NF1: variants seen among roughly 807,000 people sequenced by gnomAD.
NF1 encodes the protein neurofibromin.
A neutral mutation model predicts 325.7 loss-of-function variants in NF1; 122 were observed. The observed-to-expected ratio is 0.37, with a 90% CI of 0.32 to 0.44. NF1 has a LOEUF of 0.44. Ranked by LOEUF, NF1 falls within the 20% of genes least tolerant of loss-of-function variation. NF1 has a pLI of 1.00. For synonymous variants in NF1, 1,091 were observed against 1,186.0 expected, an observed-to-expected ratio of 0.92 and a Z score of 1.65; for missense variants, 2,140 against 3,415.4, an observed-to-expected ratio of 0.63 and a Z score of 9.31.
rs2151461842 is a variant in NF1 at position 31,258,370 on chromosome 17, C to T, written c.4200C>T (p.Asn1400=). The change falls in exon 32 of 58, where the codon AAC becomes AAT. Residue 1400 remains asparagine, a synonymous_variant. Transcript: ENST00000358273. The stretch of plus-strand genomic sequence containing the variant: ...TGGTTAGCCAGCGTTTCCCTCAGAA[C>T]AGCATCGGTGCAGTAGGAAGTGCCA... The part of the protein sequence containing the change: ...KSVVSQRFPQ[N]SIGAVGSAMF... 1.1e-5 allele frequency: 17 copies of T among 1,613,918 alleles called. No individual in the cohort carries two copies. Among genetic ancestry groups the T allele is most frequent in the Non-Finnish European group, 1.4e-5 (17 of 1,179,894 alleles).
At chr17:31,116,737 C>T (rs754235906) in intron 1 of NF1, among the ~76,000 whole-genome samples, 2 of 149,524 alleles carry the variant, frequency 1.3e-5, no homozygotes, top group Non-Finnish European at 1.5e-5. Flanking sequence ...GCGCCATCTC[C>T]GCTCACTGCA....
chr17:31,262,551 C>T lies in NF1; in HGVS notation c.4724+694C>T, dbSNP rs188890050. On this transcript the variant is annotated intron_variant, in intron 35 of 57. Coordinates refer to ENST00000358273, the MANE Select transcript of NF1 (RefSeq NM_001042492.3). ...GCTATGTTCATAGTATGTTCCAAAA[C>T]AGAATAAAACAGAATCTGATGATGA... 3.3e-5 allele frequency among the ~76,000 whole-genome samples: 5 copies of T among 152,188 alleles called. No individual in the cohort carries two copies. In the East Asian group the frequency reaches 9.6e-4, roughly 29 times the overall value.
At position 31,338,045 on chromosome 17, in the gene NF1, C is replaced by T. The variant is rs2151558080; in HGVS notation, c.6725C>T (p.Pro2242Leu). The T allele has an allele frequency of 6.2e-7, 1 of 1,613,552 alleles. No individual in the cohort carries two copies. Residue 2242 changes from proline (P) to leucine (L), a missense_variant, in exon 45 of 58, where the codon CCA becomes CTA. Physicochemically the swap from Pro to Leu is moderately conservative, Grantham distance 98 (BLOSUM62 -3). Coordinates refer to ENST00000358273, the MANE Select transcript of NF1 (RefSeq NM_001042492.3). ...LAQRFAFQYN[P>L]SLQPRALVVF... ...TGCAGATTTGCATTCCAATATAATC[C>T]ATCCCTGCAACCAAGAGCTCTTGTT...
chr17:31,299,647 T>G (rs1351333751), intron 36 of NF1: 2 of 152,110 alleles, frequency 1.3e-5, no homozygotes, highest in Admixed American at 1.3e-4. Flanking sequence ...TTGTTTATTT[T>G]TGGTAATATG....
chr17:31,230,116 A>T, intron 22 of NF1, 142 bp downstream of exon 22: 4 of 1,405,352 alleles, frequency 2.8e-6, no homozygotes, highest in Non-Finnish European at 4.0e-6. Flanking sequence ...GGTAGCCAGA[A>T]GTTGTGTACG....
intron 8 of NF1, among the ~76,000 whole-genome samples, chr17:31,187,261 C>T (rs917528491): frequency 3.3e-5 from 5 of 152,132 alleles, no homozygotes; most frequent in East Asian, 1.9e-4. Context: ...TGCAGTGGCG[C>T]GATCTCGGCT....
intron 1 of NF1, among the ~76,000 whole-genome samples, chr17:31,111,281 T>C (rs1259738777): frequency 6.6e-6 from 1 of 150,686 alleles, no homozygotes; most frequent in East Asian, 1.9e-4. Flanking sequence ...TAGTAAAAAG[T>C]CTAATGTGTA....
intron 1 of NF1, among the ~76,000 whole-genome samples, chr17:31,147,731 A>G (rs932518564): frequency 6.6e-6 from 1 of 152,176 alleles, no homozygotes; most frequent in Non-Finnish European, 1.5e-5. Context: ...TGAGAACTGT[A>G]TTTACTAAGG....
chr17:31,242,402 G>A (rs1156871062), intron 29 of NF1, among the ~76,000 whole-genome samples: 3 of 127,376 alleles, frequency 2.4e-5, no homozygotes, highest in African/African-American at 3.0e-5. Context: ...TGCACCCTCC[G>A]CCTCTACCTC....
intron 36 of NF1, among the ~76,000 whole-genome samples, 161 bp downstream of exon 36, chr17:31,265,500 G>C (rs2067771046): frequency 6.6e-6 from 1 of 151,708 alleles, no homozygotes. Context: ...TTCCTAAAAT[G>C]ATGGTCGGTA....
At chr17:31,310,653 C>T (rs2068848302) in intron 36 of NF1, among the ~76,000 whole-genome samples, 1 of 151,804 alleles carries the variant, frequency 6.6e-6, no homozygotes, top group Non-Finnish European at 1.5e-5. Context: ...TTTTCCCTGA[C>T]ACTATCCAGA....
intron 46 of NF1, 35 bp downstream of exon 46, chr17:31,338,840 TGG>T: frequency 1.5e-6 from 2 of 1,296,128 alleles, no homozygotes; most frequent in Non-Finnish European, 2.2e-6. Context: ...GCATTCATTT[TGG>T]GTATCAGTGT....
chr17:31,175,509 C>T (rs1305712746), intron 5 of NF1, among the ~76,000 whole-genome samples: 2 of 151,950 alleles, frequency 1.3e-5, no homozygotes, highest in Admixed American at 1.3e-4. Flanking sequence ...GCCATCGGGC[C>T]TGGCCCTGTA....
chr17:31,182,415 T>C (rs937607672), intron 7 of NF1, 93 bp from the exon 8 acceptor site: 3 of 1,190,852 alleles, frequency 2.5e-6, no homozygotes, highest in Non-Finnish European at 3.6e-6. Flanking sequence ...TTAAAAATGT[T>C]GCCCTTGGGT....
intron 36 of NF1, among the ~76,000 whole-genome samples, chr17:31,287,534 A>G (rs546797565): frequency 5.1e-5 from 7 of 136,890 alleles, no homozygotes; most frequent in Non-Finnish European, 1.1e-4. Flanking sequence ...CTTTGATCTC[A>G]TTCATAACTG....
At chr17:31,132,689 G>C (rs1000180654) in intron 1 of NF1, among the ~76,000 whole-genome samples, 3 of 151,658 alleles carry the variant, frequency 2.0e-5, no homozygotes, top group Non-Finnish European at 4.4e-5. Context: ...TTTTTGAGAC[G>C]GAGTTTCACT....
intron 36 of NF1, among the ~76,000 whole-genome samples, chr17:31,287,266 A>G (rs1379566662): frequency 6.6e-6 from 1 of 152,242 alleles, no homozygotes; most frequent in Admixed American, 6.5e-5. Flanking sequence ...ATGGTTATAT[A>G]GCACCCACAA....
intron 1 of NF1, among the ~76,000 whole-genome samples, chr17:31,154,485 T>C (rs1198449152): frequency 6.6e-6 from 1 of 152,108 alleles, no homozygotes; most frequent in Non-Finnish European, 1.5e-5. Flanking sequence ...AGGGAAATAA[T>C]AAATTAAAAT....
At chr17:31,186,294 G>A (rs1021469278) in intron 8 of NF1, among the ~76,000 whole-genome samples, 1 of 152,178 alleles carries the variant, frequency 6.6e-6, no homozygotes, top group African/African-American at 2.4e-5. Context: ...AGGAAGAGAA[G>A]ACTAGGGCCT....
Sources: allele counts gnomAD v4.1 joint callset (sites outside exome capture counted in the v4.1 genomes callset), GRCh38; gene constraint gnomAD v4.1.1; transcripts MANE v1.5; gene names NCBI Gene and HGNC (gene_info 2026-07-23, HGNC 2026-07-21).